ANK1: variants seen among roughly 807,000 people sequenced by gnomAD.
ANK1 encodes the protein ankyrin 1, also known as ankyrin-1.
ANK1 carries 51 observed loss-of-function variants against 210.4 expected under a neutral mutation model. The observed-to-expected ratio is 0.24, with a 90% CI of 0.19 to 0.31. The LOEUF (loss-of-function observed/expected upper bound fraction) is 0.31, where lower values mean the gene tolerates loss of function less well. Ranked by LOEUF, ANK1 falls within the 10% of genes least tolerant of loss-of-function variation. The pLI is 1.00. For synonymous variants in ANK1, 967 were observed against 1,025.9 expected, an observed-to-expected ratio of 0.94 and a Z score of 1.10; for missense variants, 2,051 against 2,504.4, an observed-to-expected ratio of 0.82 and a Z score of 3.86.
At chr8:41,669,242 G>A (rs1811486730) in intron 38 of ANK1, among the ~76,000 whole-genome samples, 1 of 151,808 alleles carries the variant, frequency 6.6e-6, no homozygotes, top group African/African-American at 2.4e-5. Flanking sequence ...TCTCCAGCTT[G>A]GCTCTCCTCC....
chr8:41,692,167 C>T (rs141120942), intron 31 of ANK1, among the ~76,000 whole-genome samples: 4,027 of 152,156 alleles, frequency 0.026, 149 homozygotes, highest in African/African-American at 0.085. Context: ...AGTGATTCTC[C>T]TATCTCAGCC....
intron 1 of ANK1, among the ~76,000 whole-genome samples, chr8:41,879,451 A>G (rs183511585): frequency 6.6e-6 from 1 of 152,374 alleles, no homozygotes; most frequent in East Asian, 1.9e-4. Flanking sequence ...CATAATTCAA[A>G]CAAAACATCT....
At chr8:41,758,495 A>G (rs893041560) in intron 1 of ANK1, among the ~76,000 whole-genome samples, 4 of 151,774 alleles carry the variant, frequency 2.6e-5, no homozygotes, top group African/African-American at 9.7e-5. Flanking sequence ...ACCAAGCCCA[A>G]CTATTTTTTT....
At chr8:41,701,962 G>T (rs562181839) in intron 21 of ANK1, 90 bp downstream of exon 21, 3 of 1,386,336 alleles carry the variant, frequency 2.2e-6, no homozygotes, top group Non-Finnish European at 2.0e-6. Flanking sequence ...CGGAGCCCCA[G>T]AACGCACCCC....
chr8:41,834,521 G>A (rs1308976633), intron 1 of ANK1, among the ~76,000 whole-genome samples: 1 of 152,200 alleles, frequency 6.6e-6, no homozygotes, highest in African/African-American at 2.4e-5. Flanking sequence ...TCACCACAGA[G>A]CCTGCCCTGT....
At position 41,695,281 on chromosome 8, in the gene ANK1, C is replaced by A; in HGVS notation, c.3011G>T (p.Arg1004Leu). The change falls in exon 27 of 43, where the codon CGC becomes CTC. Residue 1004 changes from arginine to leucine, a missense_variant. Transcript: ENST00000289734. ...PHFASHGRGDRELVVLRSENG... is the reference protein window; with the variant it reads ...PHFASHGRGDLELVVLRSENG... ...TTCGCTCCTCAGAACCACGAGCTCG[C>A]GGTCTCCACGGCCATGGGAGGCAAA... The A allele has an allele frequency of 6.2e-7, 1 of 1,614,106 alleles. No homozygotes were observed. The highest frequency in any genetic ancestry group is 8.5e-7 in the Non-Finnish European group (1 of 1,180,032).
intron 37 of ANK1, among the ~76,000 whole-genome samples, chr8:41,673,938 C>T (rs1813315553): frequency 6.6e-6 from 1 of 152,192 alleles, no homozygotes; most frequent in African/African-American, 2.4e-5. Context: ...CAGGGCTGCC[C>T]CTTGCAGTCT....
chr8:41,756,670 T>G (rs534148209), intron 2 of ANK1, among the ~76,000 whole-genome samples: 1 of 152,332 alleles, frequency 6.6e-6, no homozygotes, highest in South Asian at 2.1e-4. Context: ...CTCGAACTGC[T>G]GAGCTCAGGT....
At position 41,833,194 on chromosome 8, in the gene ANK1, G is replaced by A. The variant is rs1463539530; in HGVS notation, c.126+63161C>T. On this transcript the variant is annotated intron_variant, in intron 1 of 42. Coordinates refer to the ANK1 transcript ENST00000265709. ...CCGGGCCTCCCTCCAGCACCCATCA[G>A]ACCCTCTCAGAGGACACAGCGATCA... 2.0e-5 allele frequency among the ~76,000 whole-genome samples: 3 copies of A among 152,270 alleles called. No individual in the cohort carries two copies. The East Asian group carries it at 5.8e-4, about 30-fold the overall frequency.
chr8:41,737,523 A>G (rs766389978), intron 2 of ANK1, among the ~76,000 whole-genome samples: 7 of 152,188 alleles, frequency 4.6e-5, no homozygotes, highest in Non-Finnish European at 2.9e-5. Flanking sequence ...GGCAGAGAGT[A>G]AGACCCTCGC....
Position 41,848,043 on chromosome 8 carries a change from G to T in ANK1, c.126+48312C>A, listed in dbSNP as rs180782533. On this transcript the variant is annotated intron_variant, in intron 1 of 42. Transcript: ENST00000265709. ...CTACTCAAAATACAAAACTTAGCCGGGTGTGATGGTGTGCACCTGTAATCT... is the reference window on the plus strand; with the variant it reads ...CTACTCAAAATACAAAACTTAGCCGTGTGTGATGGTGTGCACCTGTAATCT... Among the ~76,000 whole-genome samples the T allele has an allele frequency of 2.9e-3, 441 of 151,958 alleles. 3 individuals carry two copies. Among genetic ancestry groups the T allele is most frequent in the African/African-American group, 0.01 (416 of 41,424 alleles).
intron 33 of ANK1, 114 bp from the exon 34 acceptor site, chr8:41,688,703 C>T: frequency 1.1e-6 from 1 of 889,644 alleles, no homozygotes; most frequent in South Asian, 1.4e-5. Flanking sequence ...TCCTGGTAAA[C>T]AATCAGTCCG....
At chr8:41,778,222 A>G (rs1308579167) in intron 1 of ANK1, among the ~76,000 whole-genome samples, 1 of 152,244 alleles carries the variant, frequency 6.6e-6, no homozygotes, top group Non-Finnish European at 1.5e-5. Flanking sequence ...CAGAGGTGAA[A>G]GATAGAGCTG....
intron 35 of ANK1, among the ~76,000 whole-genome samples, chr8:41,686,577 A>G (rs768211481): frequency 4.6e-5 from 7 of 152,218 alleles, no homozygotes; most frequent in Admixed American, 6.5e-5. Context: ...CGTAACTTCC[A>G]ATATGAGATG....
At chr8:41,829,854 T>G (rs1156650902) in intron 1 of ANK1, 1 of 144,682 alleles carries the variant, frequency 6.9e-6, no homozygotes, top group Non-Finnish European at 1.5e-5. Flanking sequence ...GAGAATGGCT[T>G]GAACCCAGGA....
In ANK1 at chr8:41,688,067, G is replaced by A. The variant is rs1563423756; in HGVS notation, c.4258+89C>T. 4 of 1,442,384 alleles carry A rather than the reference G, an allele frequency of 2.8e-6. No individual in the cohort carries two copies. In the East Asian group the frequency reaches 6.8e-5, roughly 25 times the overall value. 89.3% of individuals were successfully genotyped at this position (1,442,384 alleles called of 1,614,324 possible). On this transcript the variant is annotated intron_variant, in intron 35 of 42. Transcript: ENST00000289734. The stretch of plus-strand genomic sequence containing the variant: ...ATAACCCACGGGTGATAAAAGGAGG[G>A]TTAGAAATGCCTCATTCATTGCTCA...
chr8:41,683,381 G>C (rs1295928996), intron 37 of ANK1, among the ~76,000 whole-genome samples: 6 of 152,216 alleles, frequency 3.9e-5, no homozygotes, highest in Non-Finnish European at 8.8e-5. Flanking sequence ...ACAGGATGCA[G>C]AGCAGGGGAC....
intron 1 of ANK1, among the ~76,000 whole-genome samples, chr8:41,888,896 C>A (rs1276768007): frequency 1.3e-5 from 2 of 152,256 alleles, no homozygotes; most frequent in Non-Finnish European, 2.9e-5. Flanking sequence ...GAACCGGAGG[C>A]CACAGGCTTT....
chr8:41,735,484 A>C (rs574916522), intron 2 of ANK1, among the ~76,000 whole-genome samples: 8 of 152,010 alleles, frequency 5.3e-5, no homozygotes, highest in Non-Finnish European at 1.0e-4. Context: ...CCTCAGAGCC[A>C]CTTCAGGCTC....
Sources: allele counts gnomAD v4.1 joint callset (sites outside exome capture counted in the v4.1 genomes callset), GRCh38; gene constraint gnomAD v4.1.1; transcripts MANE v1.5; gene names NCBI Gene and HGNC (gene_info 2026-07-23, HGNC 2026-07-21).